Variants in VAV3 observed in about 807,000 individuals in gnomAD.
VAV3 encodes the protein vav guanine nucleotide exchange factor 3, also known as guanine nucleotide exchange factor VAV3.
A neutral mutation model predicts 131.2 loss-of-function variants in VAV3; 94 were observed. The ratio of observed to expected loss-of-function variants is 0.72; its 90% CI spans 0.61 to 0.85. The LOEUF (loss-of-function observed/expected upper bound fraction) is 0.85. VAV3 is among the 40% of genes least tolerant of loss of function. The pLI is 0.00. For synonymous variants in VAV3, 349 were observed against 342.0 expected, an observed-to-expected ratio of 1.02 and a Z score of -0.22; for missense variants, 939 against 1,002.7, an observed-to-expected ratio of 0.94 and a Z score of 0.86.
intron 1 of VAV3, among the ~76,000 whole-genome samples, chr1:107,876,651 A>C (rs890346526): frequency 6.6e-6 from 1 of 152,166 alleles, no homozygotes; most frequent in African/African-American, 2.4e-5. Flanking sequence ...ACTACTGACT[A>C]CTTAAAAAAA....
At chr1:107,957,557 G>A (rs988141851) in intron 1 of VAV3, among the ~76,000 whole-genome samples, 2 of 152,120 alleles carry the variant, frequency 1.3e-5, no homozygotes, top group Admixed American at 6.5e-5. Flanking sequence ...CTACAGGGAA[G>A]CGAATATGAA....
At position 107,622,652 on chromosome 1, in the gene VAV3, T is replaced by C. The variant is rs536572956; in HGVS notation, c.1915-5020A>G. ...ATGGTTATTTATGAACGATTGGAAA[T>C]TCTCCCAAGTTACAATGCCCTAAAC... On this transcript the variant is annotated intron_variant, in intron 20 of 26. Coordinates refer to ENST00000370056, the MANE Select transcript of VAV3 (RefSeq NM_006113.5). 3.3e-5 allele frequency among the ~76,000 whole-genome samples: 5 copies of C among 152,278 alleles called. No individual in the cohort carries two copies. The South Asian group carries it at 8.3e-4, about 25-fold the overall frequency.
At chr1:107,825,331 T>C (rs972757037) in intron 2 of VAV3, among the ~76,000 whole-genome samples, 1 of 152,134 alleles carries the variant, frequency 6.6e-6, no homozygotes, top group African/African-American at 2.4e-5. Flanking sequence ...TCTACAGGTT[T>C]TAATTTGTTT....
chr1:107,777,347 G>C, intron 3 of VAV3, 51 bp from the exon 4 acceptor site: 1 of 1,538,582 alleles, frequency 6.5e-7, no homozygotes, highest in Non-Finnish European at 9.0e-7. Context: ...ATGAGTGAAC[G>C]AGCAACAATC....
chr1:107,959,605 C>G (rs755285049), intron 1 of VAV3, among the ~76,000 whole-genome samples: 134 of 152,304 alleles, frequency 8.8e-4, no homozygotes, highest in Non-Finnish European at 1.8e-3. Context: ...AACTCCTTCA[C>G]AGGTTCTCCC....
chr1:107,824,325 G>A (rs1010998089), intron 2 of VAV3, among the ~76,000 whole-genome samples: 3 of 152,136 alleles, frequency 2.0e-5, no homozygotes, highest in Non-Finnish European at 4.4e-5. Flanking sequence ...GATAACTAAC[G>A]GGGGAATATG....
chr1:107,626,501 C>T (rs1654023273), intron 20 of VAV3, among the ~76,000 whole-genome samples: 1 of 152,228 alleles, frequency 6.6e-6, no homozygotes, highest in Non-Finnish European at 1.5e-5. Flanking sequence ...GACTGAGCCT[C>T]TACACTTTCA....
intron 19 of VAV3, among the ~76,000 whole-genome samples, chr1:107,670,313 G>A (rs1032855770): frequency 1.3e-5 from 2 of 152,276 alleles, no homozygotes; most frequent in South Asian, 2.1e-4. Flanking sequence ...ACAAAGCCAA[G>A]AATCTGGATC....
intron 19 of VAV3, among the ~76,000 whole-genome samples, chr1:107,672,621 T>C (rs1380447657): frequency 6.6e-6 from 1 of 152,052 alleles, no homozygotes; most frequent in Admixed American, 6.6e-5. Context: ...AAAAATATTT[T>C]CGATAAATGT....
At chr1:107,593,646 C>G (rs1346615515) in intron 25 of VAV3, among the ~76,000 whole-genome samples, 1 of 152,074 alleles carries the variant, frequency 6.6e-6, no homozygotes, top group East Asian at 1.9e-4. Context: ...TCTTTCTATA[C>G]AAACATGCAG....
At chr1:107,781,107 T>C (rs1665661362) in intron 2 of VAV3, among the ~76,000 whole-genome samples, 1 of 152,084 alleles carries the variant, frequency 6.6e-6, no homozygotes, top group African/African-American at 2.4e-5. Flanking sequence ...TGGTTGTAGT[T>C]AGAAACTCCT....
chr1:107,890,370 A>G (rs556158866), intron 1 of VAV3, among the ~76,000 whole-genome samples: 3 of 152,322 alleles, frequency 2.0e-5, no homozygotes, highest in African/African-American at 4.8e-5. Flanking sequence ...AGTATATCCA[A>G]TTAAGTATAC....
chr1:107,707,271 C>A (rs1196098044), intron 15 of VAV3, among the ~76,000 whole-genome samples: 1 of 152,124 alleles, frequency 6.6e-6, no homozygotes, highest in Non-Finnish European at 1.5e-5. Context: ...GCTGCTGAGG[C>A]AGTATTGAAT....
intron 21 of VAV3, among the ~76,000 whole-genome samples, chr1:107,612,411 T>C (rs1652823995): frequency 6.6e-6 from 1 of 152,226 alleles, no homozygotes; most frequent in African/African-American, 2.4e-5. Flanking sequence ...CATTGTAGTT[T>C]CACACTGTAC....
intron 1 of VAV3, among the ~76,000 whole-genome samples, chr1:107,918,591 A>C (rs751995679): frequency 1.1e-4 from 16 of 151,932 alleles, no homozygotes; most frequent in Non-Finnish European, 1.8e-4. Context: ...TATCCAAATT[A>C]ATTGGGTATT....
Position 107,630,105 on chromosome 1 carries a change from C to T in VAV3, c.1915-12473G>A, listed in dbSNP as rs148082073. 2.4e-3 allele frequency among the ~76,000 whole-genome samples: 358 copies of T among 152,188 alleles called. 1 individual carries two copies. The highest frequency in any genetic ancestry group is 3.9e-3 in the Non-Finnish European group (268 of 67,988). On this transcript the variant is annotated intron_variant, in intron 20 of 26. Coordinates refer to ENST00000370056, the MANE Select transcript of VAV3 (RefSeq NM_006113.5). Reference sequence around the variant, plus strand: ...TCTAGATTTTTATCTATAGGTTTAACGCTAGATATATTTGCAACAATATGA... The same window carrying T: ...TCTAGATTTTTATCTATAGGTTTAATGCTAGATATATTTGCAACAATATGA...
At chr1:107,745,838 C>T (rs550097009) in intron 15 of VAV3, among the ~76,000 whole-genome samples, 1 of 152,282 alleles carries the variant, frequency 6.6e-6, no homozygotes, top group East Asian at 1.9e-4. Flanking sequence ...TGATTTCCCT[C>T]CACCCTCTCA....
chr1:107,807,039 T>C (rs1341688034), intron 2 of VAV3, among the ~76,000 whole-genome samples: 2 of 152,162 alleles, frequency 1.3e-5, no homozygotes, highest in Non-Finnish European at 2.9e-5. Flanking sequence ...GTACAGATGC[T>C]TTTTTCCTCA....
chr1:107,881,319 C>T lies in VAV3; in HGVS notation c.205-6302G>A, dbSNP rs546234068. Among the ~76,000 whole-genome samples, 4 of 152,172 alleles carry T rather than the reference C, an allele frequency of 2.6e-5. No homozygotes were observed. In the East Asian group the frequency reaches 5.8e-4, roughly 22 times the overall value. ...GTAATTGATTGACTGTGTGTGGGGA[C>T]GCAGTGGGAGAGAAAAGAGAAGACC... On this transcript the variant is annotated intron_variant, in intron 1 of 26. Coordinates refer to ENST00000370056, the MANE Select transcript of VAV3 (RefSeq NM_006113.5).
Sources: allele counts gnomAD v4.1 joint callset (sites outside exome capture counted in the v4.1 genomes callset), GRCh38; gene constraint gnomAD v4.1.1; transcripts MANE v1.5; gene names NCBI Gene and HGNC (gene_info 2026-07-23, HGNC 2026-07-21).